BMPR1B: variants seen among roughly 807,000 people sequenced by gnomAD.
BMPR1B encodes the protein bone morphogenetic protein receptor type 1B.
Under a neutral mutation model 59.1 loss-of-function variants are expected in BMPR1B, and 12 were observed. That is an observed-to-expected ratio of 0.20 (90% confidence interval 0.13 to 0.33). The LOEUF is 0.33. BMPR1B is among the 10% of genes least tolerant of loss of function. The pLI, the probability that BMPR1B is intolerant of heterozygous loss-of-function variation, is 1.00. For missense variants in BMPR1B, 550 were observed against 610.9 expected (o/e 0.90, Z 1.05); for synonymous variants, 237 against 207.3 (o/e 1.14, Z -1.23).
intron 1 of BMPR1B, among the ~76,000 whole-genome samples, chr4:94,785,091 G>C (rs1722717102): frequency 6.6e-6 from 1 of 152,190 alleles, no homozygotes; most frequent in Non-Finnish European, 1.5e-5. Context: ...TCTCCATTTA[G>C]CCTCTGTGGA....
intron 2 of BMPR1B, among the ~76,000 whole-genome samples, chr4:94,967,628 G>A (rs537970350): frequency 5.3e-5 from 8 of 151,982 alleles, no homozygotes; most frequent in Middle Eastern, 3.4e-3. Flanking sequence ...GATTACAGGT[G>A]CACGCCACCA....
At chr4:95,047,237 A>G (rs1462888661) in intron 3 of BMPR1B, among the ~76,000 whole-genome samples, 2 of 152,110 alleles carry the variant, frequency 1.3e-5, no homozygotes, top group Admixed American at 6.5e-5. Flanking sequence ...CTTTATTCAG[A>G]TTTGTTTCCT....
chr4:94,829,052 G>A (rs1231969337), intron 1 of BMPR1B, among the ~76,000 whole-genome samples: 1 of 151,498 alleles, frequency 6.6e-6, no homozygotes, highest in African/African-American at 2.4e-5. Context: ...AATGAAAAAG[G>A]TGTTGAAAGT....
chr4:94,958,816 T>C (rs528273729), intron 2 of BMPR1B, among the ~76,000 whole-genome samples: 5 of 152,204 alleles, frequency 3.3e-5, no homozygotes, highest in African/African-American at 9.6e-5. Context: ...CTCTGTACTC[T>C]GAAATAAGAG....
At chr4:94,890,380 T>G (rs910484496) in intron 2 of BMPR1B, among the ~76,000 whole-genome samples, 3 of 152,114 alleles carry the variant, frequency 2.0e-5, no homozygotes, top group Non-Finnish European at 4.4e-5. Flanking sequence ...TCTTTCCTTC[T>G]TCCCACTTTT....
intron 3 of BMPR1B, among the ~76,000 whole-genome samples, chr4:95,078,084 G>C (rs1032273708): frequency 6.6e-6 from 1 of 152,152 alleles, no homozygotes; most frequent in African/African-American, 2.4e-5. Context: ...CAGATACTTA[G>C]CAGTACCAGC....
chr4:95,092,749 C>T (rs999010698), intron 3 of BMPR1B, among the ~76,000 whole-genome samples: 7 of 151,056 alleles, frequency 4.6e-5, no homozygotes, highest in Non-Finnish European at 8.8e-5. Context: ...AGCACAAACA[C>T]GGTGATTTGG....
At chr4:95,087,007 T>C (rs1361297036) in intron 3 of BMPR1B, among the ~76,000 whole-genome samples, 6 of 142,892 alleles carry the variant, frequency 4.2e-5, no homozygotes, top group Admixed American at 6.9e-5. Flanking sequence ...TCTTTTTTTT[T>C]TTTTTTTTTT....
chr4:95,037,208 G>A (rs1725320490), intron 3 of BMPR1B, among the ~76,000 whole-genome samples: 1 of 152,146 alleles, frequency 6.6e-6, no homozygotes, highest in Non-Finnish European at 1.5e-5. Flanking sequence ...AATAGGATGG[G>A]GGCAGGGCTT....
chr4:95,133,646 A>T (rs1733545692), intron 10 of BMPR1B, among the ~76,000 whole-genome samples: 1 of 152,024 alleles, frequency 6.6e-6, no homozygotes, highest in East Asian at 1.9e-4. Flanking sequence ...ATCACAACTC[A>T]CTGCAGCCTT....
rs185356086 is a variant in BMPR1B, at chr4:94,917,798, A to G, written c.-113+41898A>G. Reference sequence around the variant, plus strand: ...GAGGACATGAAATTTGGGAAGGGCCAGGGCGGAATAATACAGTTTGGATAT... The same window carrying G: ...GAGGACATGAAATTTGGGAAGGGCCGGGGCGGAATAATACAGTTTGGATAT... On this transcript the variant is annotated intron_variant, in intron 2 of 12. Transcript: ENST00000515059. 2.7e-4 allele frequency among the ~76,000 whole-genome samples: 41 copies of G among 152,292 alleles called. No homozygotes were observed. In the East Asian group the frequency reaches 7.5e-3, roughly 28 times the overall value.
intron 1 of BMPR1B, among the ~76,000 whole-genome samples, chr4:94,800,671 A>G (rs1030831815): frequency 1.3e-5 from 2 of 152,124 alleles, no homozygotes; most frequent in African/African-American, 4.8e-5. Context: ...CAGCAGTAAA[A>G]TGGAATCCAT....
chr4:94,924,749 G>A, intron 2 of BMPR1B, among the ~76,000 whole-genome samples: 1 of 152,074 alleles, frequency 6.6e-6, no homozygotes, highest in East Asian at 1.9e-4. Context: ...GTCATACAGT[G>A]ACACACATAC....
intron 3 of BMPR1B, among the ~76,000 whole-genome samples, chr4:95,084,999 C>T (rs1000111913): frequency 9.9e-5 from 15 of 151,986 alleles, no homozygotes; most frequent in South Asian, 2.1e-4. Flanking sequence ...AGCTGGTGCC[C>T]GGTTACATGT....
intron 10 of BMPR1B, among the ~76,000 whole-genome samples, chr4:95,133,987 C>A (rs969339710): frequency 6.6e-6 from 1 of 151,962 alleles, no homozygotes; most frequent in Non-Finnish European, 1.5e-5. Context: ...ATTAACTTGT[C>A]ATTTACATTA....
At chr4:94,872,909 T>C (rs2719175) in intron 1 of BMPR1B, among the ~76,000 whole-genome samples, 22,863 of 152,214 alleles carry the variant, frequency 0.15, 2,123 homozygotes, top group Admixed American at 0.24. Context: ...TTCAGTTTGA[T>C]ACAATTTAAA....
intron 2 of BMPR1B, among the ~76,000 whole-genome samples, chr4:94,974,883 C>A (rs1730954994): frequency 6.6e-6 from 1 of 152,124 alleles, no homozygotes; most frequent in Non-Finnish European, 1.5e-5. Context: ...TACCTAGCAA[C>A]AGAGAAGTTA....
chr4:95,034,946 T>C (rs575489141), intron 3 of BMPR1B, among the ~76,000 whole-genome samples: 60 of 152,242 alleles, frequency 3.9e-4, no homozygotes, highest in Middle Eastern at 3.4e-3. Context: ...ACATCTCTTA[T>C]TTTTAAATTT....
chr4:95,014,355 A>G (rs548327763), intron 3 of BMPR1B, among the ~76,000 whole-genome samples: 2 of 152,206 alleles, frequency 1.3e-5, no homozygotes, highest in African/African-American at 2.4e-5. Context: ...ATTCAAAGAC[A>G]TTAAGAATAA....
Sources: gnomAD v4.1 joint callset for allele counts (sites outside exome capture counted in the v4.1 genomes callset) on GRCh38, gnomAD v4.1.1 for gene constraint, MANE v1.5 for transcripts, NCBI Gene and HGNC (gene_info 2026-07-23, HGNC 2026-07-21) for gene names.